Variants in JPH3 observed in about 807,000 individuals in gnomAD.
The protein encoded by JPH3 is junctophilin-3.
In JPH3, 11 loss-of-function variants were observed where a neutral mutation model predicts 59.6. The ratio of observed to expected loss-of-function variants is 0.18; its 90% CI spans 0.12 to 0.31. The LOEUF (loss-of-function observed/expected upper bound fraction) is 0.31. Among genes scored for constraint, JPH3 ranks in the 10% least tolerant of loss-of-function variants. JPH3 has a pLI of 1.00. For missense variants in JPH3, 1,202 were observed against 1,105.7 expected, an observed-to-expected ratio of 1.09 and a Z score of -1.24; for synonymous variants, 673 against 483.6, an observed-to-expected ratio of 1.39 and a Z score of -5.14.
chr16:87,622,608 A>AGG (rs1217358469), intron 1 of JPH3, among the ~76,000 whole-genome samples: 10 of 132,716 alleles, frequency 7.5e-5, no homozygotes, highest in South Asian at 4.6e-4. Flanking sequence ...GCTGGGATGG[A>AGG]AGTCTGCCAG....
intron 1 of JPH3, among the ~76,000 whole-genome samples, chr16:87,616,655 C>G (rs1017017801): frequency 6.6e-6 from 1 of 152,146 alleles, no homozygotes; most frequent in Non-Finnish European, 1.5e-5. Flanking sequence ...CATGTGGTCT[C>G]TCCCGAGGTG....
intron 1 of JPH3, among the ~76,000 whole-genome samples, chr16:87,618,350 G>A (rs1014429728): frequency 4.6e-5 from 7 of 152,242 alleles, no homozygotes; most frequent in Non-Finnish European, 7.4e-5. Flanking sequence ...GGGGAGGAGG[G>A]CGTGGACAGG....
chr16:87,628,002 G>A (rs2031439686), intron 1 of JPH3, among the ~76,000 whole-genome samples: 1 of 152,230 alleles, frequency 6.6e-6, no homozygotes, highest in South Asian at 2.1e-4. Flanking sequence ...GGCAGTGAGG[G>A]GATCATGGGT....
rs562931083 is a variant in JPH3, at chr16:87,608,952, G to C, written c.382+5424G>C. ...CTCAGGAGGCTGAGGTGAGAGGATC[G>C]CTTGAGCCCCGGAGGTCAAGGCTGC... On this transcript the variant is annotated intron_variant, in intron 1 of 4. Transcript: ENST00000284262. Among the ~76,000 whole-genome samples the C allele has an allele frequency of 3.3e-5, 5 of 152,346 alleles. No homozygotes were observed. In the South Asian group the frequency reaches 1.0e-3, roughly 32 times the overall value.
intron 2 of JPH3, among the ~76,000 whole-genome samples, chr16:87,672,324 T>G (rs1343403346): frequency 6.6e-6 from 1 of 152,102 alleles, no homozygotes; most frequent in Non-Finnish European, 1.5e-5. Context: ...AACAAGATGG[T>G]CCCAGGCTAA....
chr16:87,645,012 G>T lies in JPH3; in HGVS notation c.1137G>T (p.Gln379His). ...AGCGGGCCGCCACCATCGCCAAGCAGAAGGCTGAGATCGCGGCTTCCAGGT... is the reference window on the plus strand; with the variant it reads ...AGCGGGCCGCCACCATCGCCAAGCATAAGGCTGAGATCGCGGCTTCCAGGT... ...AAERAATIAK[Q>H]KAEIAASRTS... is the part of the protein sequence containing the mutation. Residue 379 changes from glutamine (Q) to histidine (H), a missense_variant, in exon 2 of 5, where the codon CAG (glutamine) becomes CAT (histidine). Physicochemically the swap from Gln to His is conservative, Grantham distance 24. Transcript: ENST00000284262. The T allele has an allele frequency of 6.2e-7, 1 of 1,605,162 alleles. No homozygotes were observed.
At chr16:87,682,905 C>G (rs558110382) in intron 2 of JPH3, among the ~76,000 whole-genome samples, 1 of 152,246 alleles carries the variant, frequency 6.6e-6, no homozygotes, top group African/African-American at 2.4e-5. Flanking sequence ...GCACAGAGCC[C>G]CACATTCTGC....
rs924679060 is a variant in JPH3 at position 87,658,235 on chromosome 16, C to G, written c.1160+13200C>G. On this transcript the variant is annotated intron_variant, in intron 2 of 4. Transcript: ENST00000284262. ...CTCCTGAGGTCGCAGGGCTACCAAA[C>G]AGTGCACGGCATTTGCACCCCAGCT... Among the ~76,000 whole-genome samples, 5 of 152,198 alleles carry G rather than the reference C, an allele frequency of 3.3e-5. No homozygotes were observed. The East Asian group carries it at 9.6e-4, about 29-fold the overall frequency.
intron 1 of JPH3, among the ~76,000 whole-genome samples, chr16:87,634,833 A>G (rs1346924621): frequency 6.6e-6 from 1 of 152,226 alleles, no homozygotes; most frequent in Non-Finnish European, 1.5e-5. Context: ...ACTGGCTGAG[A>G]GACGCTCTGT....
intron 2 of JPH3, among the ~76,000 whole-genome samples, chr16:87,680,692 C>CATT (rs1381191570): frequency 6.6e-6 from 1 of 152,186 alleles, no homozygotes; most frequent in African/African-American, 2.4e-5. Flanking sequence ...CGTCAGGAGC[C>CATT]ATTACCCCTT....
At chr16:87,650,524 G>T (rs1031631921) in intron 2 of JPH3, among the ~76,000 whole-genome samples, 3 of 152,206 alleles carry the variant, frequency 2.0e-5, no homozygotes, top group South Asian at 2.1e-4. Context: ...ATGATAAAGC[G>T]TAGAGAGGAA....
rs73234340 is a variant in JPH3 at position 87,623,121 on chromosome 16, C to T, written c.382+19593C>T. 5.6e-3 allele frequency among the ~76,000 whole-genome samples: 856 copies of T among 152,316 alleles called. 7 individuals carry two copies. Among genetic ancestry groups the T allele is most frequent in the African/African-American group, 0.019 (802 of 41,556 alleles). On this transcript the variant is annotated intron_variant, in intron 1 of 4. Coordinates refer to ENST00000284262, the MANE Select transcript of JPH3 (RefSeq NM_020655.4). ...CAATGGAGGAGTCCACTCTGCCCACCCCGGATACTGCCCAGCCAGCCTGGG... is the reference window on the plus strand; with the variant it reads ...CAATGGAGGAGTCCACTCTGCCCACTCCGGATACTGCCCAGCCAGCCTGGG...
chr16:87,624,853 G>A (rs2031312479), intron 1 of JPH3, among the ~76,000 whole-genome samples: 1 of 152,234 alleles, frequency 6.6e-6, no homozygotes, highest in Non-Finnish European at 1.5e-5. Context: ...AGGCTGGAGT[G>A]CAGTAGCGTG....
chr16:87,627,191 C>G (rs1186355745), intron 1 of JPH3, among the ~76,000 whole-genome samples: 2 of 152,134 alleles, frequency 1.3e-5, no homozygotes, highest in Non-Finnish European at 2.9e-5. Flanking sequence ...CGTGGCTCAG[C>G]TTGAGGAGCA....
intron 1 of JPH3, among the ~76,000 whole-genome samples, chr16:87,616,190 T>TTGTG (rs56053716): frequency 0.12 from 13,798 of 115,824 alleles, 1,038 homozygotes; most frequent in East Asian, 0.27. Context: ...CAATCTGGTT[T>TTGTG]TGTGTGTGTG....
At chr16:87,606,618 A>G (rs953224597) in intron 1 of JPH3, among the ~76,000 whole-genome samples, 2 of 152,184 alleles carry the variant, frequency 1.3e-5, no homozygotes, top group African/African-American at 4.8e-5. Context: ...TTGTTTCTTC[A>G]TCTTTACAAA....
intron 1 of JPH3, among the ~76,000 whole-genome samples, chr16:87,619,365 C>T (rs2031088113): frequency 6.6e-6 from 1 of 151,662 alleles, no homozygotes; most frequent in Non-Finnish European, 1.5e-5. Context: ...TGAGTTGTGA[C>T]ATTTTCGTAG....
At chr16:87,660,058 C>G (rs1009553022) in intron 2 of JPH3, among the ~76,000 whole-genome samples, 1 of 151,988 alleles carries the variant, frequency 6.6e-6, no homozygotes, top group Non-Finnish European at 1.5e-5. Context: ...CCAGCCCTGC[C>G]ACCTGGAAAC....
intron 1 of JPH3, among the ~76,000 whole-genome samples, chr16:87,615,335 G>T (rs1030716584): frequency 2.0e-5 from 3 of 152,148 alleles, no homozygotes; most frequent in Non-Finnish European, 4.4e-5. Context: ...CTTTCACCTC[G>T]CCCCCTTCCG....
Sources: gnomAD v4.1 joint callset for allele counts (sites outside exome capture counted in the v4.1 genomes callset) on GRCh38, gnomAD v4.1.1 for gene constraint, MANE v1.5 for transcripts, NCBI Gene and HGNC (gene_info 2026-07-23, HGNC 2026-07-21) for gene names.